The following NRXN1 variants were observed in gnomAD, a reference collection of about 807,000 sequenced individuals.
The protein encoded by NRXN1 is neurexin 1.
In NRXN1, 39 loss-of-function variants were observed where a neutral mutation model predicts 150.9. The ratio of observed to expected loss-of-function variants is 0.26; its 90% CI spans 0.20 to 0.34. NRXN1 has a LOEUF of 0.34. NRXN1 is among the 10% of genes least tolerant of loss of function. The pLI, the probability that NRXN1 is intolerant of heterozygous loss-of-function variation, is 1.00. For missense variants in NRXN1, 1,815 were observed against 1,949.9 expected, an observed-to-expected ratio of 0.93 and a Z score of 1.30; for synonymous variants, 924 against 757.0, an observed-to-expected ratio of 1.22 and a Z score of -3.62.
At position 50,028,634 on chromosome 2, in the gene NRXN1, C is replaced by G. The variant is rs1340285856; in HGVS notation, c.4128+24637G>C. On this transcript the variant is annotated intron_variant, in intron 21 of 22. Transcript: ENST00000401669. ...TAGGCCTTATCTTCTGCACATTGCT[C>G]AGGCTAAGGCCATGCCTGGCAGGTA... Among the ~76,000 whole-genome samples, 3 of 152,248 alleles carry G rather than the reference C, an allele frequency of 2.0e-5. No homozygotes were observed. The East Asian group carries it at 5.8e-4, about 29-fold the overall frequency.
chr2:50,312,436 T>C (rs1282579121), intron 17 of NRXN1, among the ~76,000 whole-genome samples: 1 of 151,834 alleles, frequency 6.6e-6, no homozygotes, highest in Non-Finnish European at 1.5e-5. Flanking sequence ...TTTTTTTTTC[T>C]TTTAATCTTG....
At position 50,397,674 on chromosome 2, in the gene NRXN1, T is replaced by G. The variant is rs147831123; in HGVS notation, c.3364+67768A>C. On this transcript the variant is annotated intron_variant, in intron 17 of 22. Coordinates refer to ENST00000401669, the MANE Select transcript of NRXN1 (RefSeq NM_001330078.2). ...AAGAATTGATCTGGAAAGCCCTTCA[T>G]TCACAGTTGTTTTCTGGCTACTGTC... 2.6e-5 allele frequency among the ~76,000 whole-genome samples: 4 copies of G among 152,258 alleles called. No homozygotes were observed. The East Asian group carries it at 7.7e-4, about 29-fold the overall frequency.
At chr2:50,495,689 G>A (rs541365285) in intron 15 of NRXN1, among the ~76,000 whole-genome samples, 1 of 151,870 alleles carries the variant, frequency 6.6e-6, no homozygotes, top group African/African-American at 2.4e-5. Flanking sequence ...GCTTCCTTAG[G>A]TGCTGCATTT....
chr2:50,607,318 A>C (rs1359441879), intron 8 of NRXN1, among the ~76,000 whole-genome samples: 1 of 152,098 alleles, frequency 6.6e-6, no homozygotes, highest in Non-Finnish European at 1.5e-5. Flanking sequence ...TTGTTCATCT[A>C]ATCACCAAGA....
At chr2:50,270,004 T>C (rs1031157454) in intron 17 of NRXN1, among the ~76,000 whole-genome samples, 1 of 152,110 alleles carries the variant, frequency 6.6e-6, no homozygotes, top group African/African-American at 2.4e-5. Flanking sequence ...ATTATTAGAT[T>C]AAATTAAAAA....
intron 17 of NRXN1, among the ~76,000 whole-genome samples, chr2:50,452,326 G>T (rs1258917031): frequency 6.6e-6 from 1 of 152,136 alleles, no homozygotes; most frequent in South Asian, 2.1e-4. Context: ...TTAAACATAA[G>T]TAAAAATAGG....
chr2:50,672,998 T>C (rs1228017568), intron 5 of NRXN1, among the ~76,000 whole-genome samples: 1 of 152,056 alleles, frequency 6.6e-6, no homozygotes, highest in African/African-American at 2.4e-5. Flanking sequence ...AAATAAACTG[T>C]TTACTTAACT....
At chr2:50,267,859 G>GA (rs2069081043) in intron 17 of NRXN1, among the ~76,000 whole-genome samples, 1 of 152,020 alleles carries the variant, frequency 6.6e-6, no homozygotes, top group Non-Finnish European at 1.5e-5. Flanking sequence ...TCCAAGAAGA[G>GA]AGAGATCCAG....
At chr2:50,050,811 T>G (rs1452773) in intron 21 of NRXN1, among the ~76,000 whole-genome samples, 25,332 of 151,954 alleles carry the variant, frequency 0.17, 2,622 homozygotes, top group East Asian at 0.4. Flanking sequence ...CATACATGTG[T>G]TGTTATCTGT....
At chr2:51,001,639 G>T (rs533834258) in intron 2 of NRXN1, among the ~76,000 whole-genome samples, 1 of 151,984 alleles carries the variant, frequency 6.6e-6, no homozygotes, top group East Asian at 1.9e-4. Flanking sequence ...TGTAGGCACA[G>T]TAAACATTAT....
Position 50,859,231 on chromosome 2 carries a change from A to G in NRXN1, c.832+62638T>C, listed in dbSNP as rs1675734022. Among the ~76,000 whole-genome samples, 4 of 151,996 alleles carry G rather than the reference A, an allele frequency of 2.6e-5. No individual in the cohort carries two copies. The South Asian group carries it at 8.3e-4, about 32-fold the overall frequency. ...AGCCAGGTCTCAGCATACAGAATAC[A>G]TTCACACTGTGTCTTCCAGCAACCC... On this transcript the variant is annotated intron_variant, in intron 5 of 22. Transcript: ENST00000401669.
At chr2:49,986,578 T>A (rs1184654484) in intron 21 of NRXN1, among the ~76,000 whole-genome samples, 2 of 152,194 alleles carry the variant, frequency 1.3e-5, no homozygotes, top group Non-Finnish European at 2.9e-5. Flanking sequence ...ACAATGAGAA[T>A]GAAAAGGGTA....
intron 15 of NRXN1, among the ~76,000 whole-genome samples, chr2:50,483,524 C>T (rs1002393725): frequency 2.0e-5 from 3 of 152,116 alleles, no homozygotes; most frequent in Non-Finnish European, 2.9e-5. Context: ...GCCCCTTTCT[C>T]GTAACACTTT....
intron 10 of NRXN1, 68 bp downstream of exon 10, chr2:50,538,185 G>A (rs2093308317): frequency 1.3e-6 from 2 of 1,539,666 alleles, no homozygotes; most frequent in African/African-American, 1.4e-5. Context: ...GGTCAGTGCA[G>A]GTTTGAGGTC....
chr2:50,986,355 G>A (rs1222296443), intron 2 of NRXN1, among the ~76,000 whole-genome samples: 1 of 151,676 alleles, frequency 6.6e-6, no homozygotes, highest in Non-Finnish European at 1.5e-5. Context: ...GTATCCATGT[G>A]TGAGTTAAAT....
At chr2:50,680,387 TA>T (rs1403443766) in intron 5 of NRXN1, among the ~76,000 whole-genome samples, 1 of 152,090 alleles carries the variant, frequency 6.6e-6, no homozygotes, top group Non-Finnish European at 1.5e-5. Context: ...GACTTAGCTT[TA>T]AAATTAAAAA....
intron 2 of NRXN1, among the ~76,000 whole-genome samples, chr2:50,953,306 A>C (rs1224379602): frequency 6.6e-6 from 1 of 152,206 alleles, no homozygotes; most frequent in Admixed American, 6.5e-5. Flanking sequence ...GGTTGTTACA[A>C]CATAATGCTT....
At chr2:50,042,633 A>C (rs1343578165) in intron 21 of NRXN1, among the ~76,000 whole-genome samples, 1 of 152,114 alleles carries the variant, frequency 6.6e-6, no homozygotes, top group Non-Finnish European at 1.5e-5. Context: ...ATTTATTCAA[A>C]AACCACTTAC....
intron 17 of NRXN1, among the ~76,000 whole-genome samples, chr2:50,405,182 T>C (rs554221966): frequency 1.3e-5 from 2 of 152,278 alleles, no homozygotes; most frequent in Admixed American, 1.3e-4. Flanking sequence ...TGCTTTCATT[T>C]AAAGTAAGAT....
Sources: gnomAD v4.1 joint callset for allele counts (sites outside exome capture counted in the v4.1 genomes callset) on GRCh38, gnomAD v4.1.1 for gene constraint, MANE v1.5 for transcripts, NCBI Gene and HGNC (gene_info 2026-07-23, HGNC 2026-07-21) for gene names.